The following TEAD1 variants were observed in gnomAD, a reference collection of about 807,000 sequenced individuals.
TEAD1 encodes the protein TEA domain transcription factor 1, also known as transcriptional enhancer factor TEF-1.
TEAD1 carries 9 observed loss-of-function variants against 54.9 expected under a neutral mutation model. That is an observed-to-expected ratio of 0.16 (90% CI 0.10 to 0.29). TEAD1 has a LOEUF of 0.29. TEAD1 is among the 10% of genes least tolerant of loss of function. The probability of loss-of-function intolerance (pLI) is 1.00; values close to 1 mark genes in which losing one functional copy is unlikely to be tolerated. For missense variants in TEAD1, 387 were observed against 535.9 expected (o/e 0.72, Z 2.74); for synonymous variants, 200 against 187.8 (o/e 1.07, Z -0.53).
intron 9 of TEAD1, among the ~76,000 whole-genome samples, chr11:12,886,551 T>G (rs1948091043): frequency 6.6e-6 from 1 of 152,202 alleles, no homozygotes; most frequent in African/African-American, 2.4e-5. Flanking sequence ...GTTCTTTTTC[T>G]CATGGAGCCC....
chr11:12,776,522 T>C (rs1218888552), intron 3 of TEAD1, among the ~76,000 whole-genome samples: 1 of 152,068 alleles, frequency 6.6e-6, no homozygotes, highest in Non-Finnish European at 1.5e-5. Context: ...CAGAGGTGGG[T>C]AGATTTTAGA....
At chr11:12,679,293 C>T (rs376557155) in intron 2 of TEAD1, among the ~76,000 whole-genome samples, 3 of 152,058 alleles carry the variant, frequency 2.0e-5, no homozygotes, top group African/African-American at 7.2e-5. Flanking sequence ...TATCCTTTTT[C>T]GTGATTCACA....
intron 3 of TEAD1, among the ~76,000 whole-genome samples, chr11:12,775,369 G>T (rs182042440): frequency 6.6e-6 from 1 of 152,304 alleles, no homozygotes; most frequent in African/African-American, 2.4e-5. Flanking sequence ...GTGGACATTT[G>T]TGTTCTTAGC....
At chr11:12,800,477 G>A (rs1220838653) in intron 3 of TEAD1, among the ~76,000 whole-genome samples, 1 of 152,188 alleles carries the variant, frequency 6.6e-6, no homozygotes, top group Non-Finnish European at 1.5e-5. Context: ...GAGACTGACA[G>A]GAAACACAGC....
At chr11:12,735,857 C>T (rs115621671) in intron 2 of TEAD1, among the ~76,000 whole-genome samples, 3,441 of 152,238 alleles carry the variant, frequency 0.023, 148 homozygotes, top group African/African-American at 0.079. Flanking sequence ...CAGAACCCTG[C>T]CTGAAGTTGG....
chr11:12,676,477 G>A (rs1414731999), intron 2 of TEAD1, among the ~76,000 whole-genome samples: 1 of 152,196 alleles, frequency 6.6e-6, no homozygotes, highest in African/African-American at 2.4e-5. Flanking sequence ...GGCTACGCCC[G>A]GTGCTTCACC....
Position 12,879,694 on chromosome 11 carries a change from C to T in TEAD1, c.331-14C>T. ...CGTTATGTATTAAGTTGGTGTGTCA[C>T]TGTCACCTTCAAGGATCAGACTGCA... On this transcript the variant is annotated splice_polypyrimidine_tract_variant and intron_variant, in intron 5 of 12. Coordinates refer to ENST00000527636, the MANE Select transcript of TEAD1 (RefSeq NM_021961.6). 1 of 1,614,168 alleles carries T rather than the reference C, an allele frequency of 6.2e-7. No individual in the cohort carries two copies. The highest frequency in any genetic ancestry group is 8.5e-7 in the Non-Finnish European group (1 of 1,180,046).
chr11:12,882,505 T>C (rs937618691), intron 8 of TEAD1, among the ~76,000 whole-genome samples: 1 of 152,114 alleles, frequency 6.6e-6, no homozygotes, highest in Non-Finnish European at 1.5e-5. Context: ...AAGTCACTGC[T>C]CTCCCTTATG....
chr11:12,716,566 G>A (rs1214915680), intron 2 of TEAD1, among the ~76,000 whole-genome samples: 1 of 152,154 alleles, frequency 6.6e-6, no homozygotes, highest in Non-Finnish European at 1.5e-5. Flanking sequence ...TCTGGTATAG[G>A]TCAGATAGCA....
chr11:12,924,238 G>T (rs1340477893), intron 10 of TEAD1, among the ~76,000 whole-genome samples: 1 of 151,330 alleles, frequency 6.6e-6, no homozygotes, highest in Non-Finnish European at 1.5e-5. Context: ...ACCACCTGTG[G>T]AAAGTCATAC....
chr11:12,726,929 C>T (rs1944324783), intron 2 of TEAD1, among the ~76,000 whole-genome samples: 2 of 152,196 alleles, frequency 1.3e-5, no homozygotes, highest in South Asian at 2.1e-4. Flanking sequence ...TTAATTTCAC[C>T]TGTTTCTTTT....
intron 5 of TEAD1, among the ~76,000 whole-genome samples, chr11:12,872,531 TC>T (rs1432394344): frequency 4.6e-5 from 7 of 152,230 alleles, no homozygotes; most frequent in African/African-American, 1.7e-4. Flanking sequence ...GGAGACAATT[TC>T]TCAGGCTTCA....
chr11:12,862,349 C>T (rs375610332), intron 4 of TEAD1, 35 bp downstream of exon 4: 56 of 1,603,774 alleles, frequency 3.5e-5, no homozygotes, highest in Non-Finnish European at 4.6e-5. Flanking sequence ...TGCATGTCAG[C>T]GAATGGCCCA....
In TEAD1 at chr11:12,897,528, A is replaced by G. The variant is rs796126838; in HGVS notation, c.700-4412A>G. Among the ~76,000 whole-genome samples, 6 of 152,122 alleles carry G rather than the reference A, an allele frequency of 3.9e-5. No homozygotes were observed. The South Asian group carries it at 6.2e-4, about 16-fold the overall frequency. ...CAGGGCACCTTCTGTAGTACTTTGTATTCTTAGAAACAGAGTCACCACCTC... is the reference window on the plus strand; with the variant it reads ...CAGGGCACCTTCTGTAGTACTTTGTGTTCTTAGAAACAGAGTCACCACCTC... On this transcript the variant is annotated intron_variant, in intron 9 of 12. Coordinates refer to ENST00000527636, the MANE Select transcript of TEAD1 (RefSeq NM_021961.6).
chr11:12,838,844 G>C lies in TEAD1; in HGVS notation c.203-23406G>C, dbSNP rs1016879664. ...AGGCAGTACAGTTAAAAATATTTTC[G>C]TTGTTTGCTTGTTGGTTATAGAGTG... On this transcript the variant is annotated intron_variant, in intron 3 of 12. Coordinates refer to ENST00000527636, the MANE Select transcript of TEAD1 (RefSeq NM_021961.6). 2.0e-5 allele frequency among the ~76,000 whole-genome samples: 3 copies of C among 152,262 alleles called. No homozygotes were observed. In the South Asian group the frequency reaches 6.2e-4, roughly 32 times the overall value.
At chr11:12,783,114 G>A (rs989785037) in intron 3 of TEAD1, among the ~76,000 whole-genome samples, 22 of 150,548 alleles carry the variant, frequency 1.5e-4, no homozygotes, top group African/African-American at 5.4e-4. Flanking sequence ...GTGTGTGTGT[G>A]TGTGTGTGTG....
chr11:12,851,831 G>T (rs528219817), intron 3 of TEAD1, among the ~76,000 whole-genome samples: 2 of 152,032 alleles, frequency 1.3e-5, no homozygotes, highest in Non-Finnish European at 2.9e-5. Flanking sequence ...TATTGAGCAC[G>T]TACTTAATAG....
chr11:12,723,823 C>T (rs1944260401), intron 2 of TEAD1, among the ~76,000 whole-genome samples: 1 of 152,170 alleles, frequency 6.6e-6, no homozygotes, highest in African/African-American at 2.4e-5. Flanking sequence ...ACGTCTCCCA[C>T]GAAATCTTAG....
intron 2 of TEAD1, among the ~76,000 whole-genome samples, chr11:12,714,906 T>G (rs1944023014): frequency 2.6e-5 from 4 of 152,090 alleles, no homozygotes; most frequent in Admixed American, 2.6e-4. Flanking sequence ...GTTAATCACC[T>G]CTTTAAAAGG....
Sources: allele counts gnomAD v4.1 joint callset (sites outside exome capture counted in the v4.1 genomes callset), GRCh38; gene constraint gnomAD v4.1.1; transcripts MANE v1.5; gene names NCBI Gene and HGNC (gene_info 2026-07-23, HGNC 2026-07-21).